Variants in INTS4 observed in about 807,000 individuals in gnomAD.
INTS4 encodes integrator complex subunit 4, also known as MSTP093.
Under a neutral mutation model 119.5 loss-of-function variants are expected in INTS4, and 70 were observed. The ratio of observed to expected loss-of-function variants is 0.59; its 90% CI spans 0.48 to 0.71. The LOEUF is 0.71. INTS4 is among the 30% of genes least tolerant of loss of function. The pLI is 0.00. For missense variants in INTS4, 867 were observed against 1,173.2 expected (o/e 0.74, Z 3.81); for synonymous variants, 316 against 419.6 (o/e 0.75, Z 3.02).
At chr11:77,978,129 T>A (rs1207231559) in intron 4 of INTS4, 2 of 152,136 alleles carry the variant, frequency 1.3e-5, no homozygotes, top group Non-Finnish European at 2.9e-5. Flanking sequence ...TGATGTCAAA[T>A]GATCCGCCCA....
chr11:77,972,893 A>AC (rs1472895428), intron 4 of INTS4, among the ~76,000 whole-genome samples: 3 of 150,264 alleles, frequency 2.0e-5, no homozygotes, highest in African/African-American at 7.4e-5. Context: ...GTGGAGTGGC[A>AC]TAATCAAGGC....
chr11:77,984,914 G>GAAAAAA (rs56373012), intron 2 of INTS4, among the ~76,000 whole-genome samples: 3 of 137,400 alleles, frequency 2.2e-5, no homozygotes, highest in Non-Finnish European at 4.6e-5. Flanking sequence ...AAATGTAAAT[G>GAAAAAA]AAAAAAAAAA....
chr11:77,938,197 T>C (rs1292051687), intron 10 of INTS4, among the ~76,000 whole-genome samples: 1 of 152,168 alleles, frequency 6.6e-6, no homozygotes, highest in African/African-American at 2.4e-5. Flanking sequence ...ATCAGTCATA[T>C]AAAGGTTTGG....
chr11:77,956,688 C>A (rs1954330579), intron 7 of INTS4, among the ~76,000 whole-genome samples: 1 of 146,862 alleles, frequency 6.8e-6, no homozygotes, highest in African/African-American at 2.5e-5. Flanking sequence ...GCCTGGGCAA[C>A]AGAGCGAGAC....
chr11:77,966,095 T>C (rs1855493115), intron 4 of INTS4, among the ~76,000 whole-genome samples: 4 of 152,228 alleles, frequency 2.6e-5, no homozygotes, highest in Admixed American at 2.6e-4. Context: ...ATGAACCTGT[T>C]GGTCATCTGT....
intron 21 of INTS4, among the ~76,000 whole-genome samples, chr11:77,885,595 G>C (rs191188980): frequency 2.1e-4 from 32 of 152,066 alleles, no homozygotes; most frequent in African/African-American, 7.7e-4. Flanking sequence ...GAGCCAGGTG[G>C]ATTACTTGAG....
chr11:77,958,843 A>G lies in INTS4; in HGVS notation c.709-9T>C. The G allele has an allele frequency of 6.5e-7, 1 of 1,528,266 alleles. No individual in the cohort carries two copies. Among genetic ancestry groups the G allele is most frequent in the Non-Finnish European group, 9.0e-7 (1 of 1,105,094 alleles). 94.7% of individuals were successfully genotyped at this position (1,528,266 alleles called of 1,614,324 possible). On this transcript the variant is annotated splice_polypyrimidine_tract_variant and intron_variant, in intron 6 of 22. Coordinates refer to ENST00000534064, the MANE Select transcript of INTS4 (RefSeq NM_033547.4). ...GAGAGTAATTTACAGGCCTGCAAAGAAGAATTCCAAAAGTCTATTAGTTCT... is the reference window on the plus strand; with the variant it reads ...GAGAGTAATTTACAGGCCTGCAAAGGAGAATTCCAAAAGTCTATTAGTTCT...
chr11:77,980,712 C>T (rs962931100), intron 3 of INTS4, among the ~76,000 whole-genome samples: 25 of 152,174 alleles, frequency 1.6e-4, no homozygotes, highest in African/African-American at 4.3e-4. Flanking sequence ...GTGTCTTGGC[C>T]GGGCACAGTG....
At chr11:77,990,047 C>T (rs1856607000) in intron 2 of INTS4, among the ~76,000 whole-genome samples, 2 of 151,982 alleles carry the variant, frequency 1.3e-5, no homozygotes, top group South Asian at 4.2e-4. Flanking sequence ...AAAACCCCAC[C>T]TCTACTAAAA....
intron 9 of INTS4, among the ~76,000 whole-genome samples, chr11:77,939,848 C>CAA (rs544496333): frequency 2.3e-4 from 33 of 142,826 alleles, no homozygotes; most frequent in African/African-American, 3.8e-4. Flanking sequence ...CTGTCTCAAA[C>CAA]AAAAAAAAAA....
At chr11:77,906,508 T>C (rs548336482) in intron 16 of INTS4, among the ~76,000 whole-genome samples, 3 of 152,332 alleles carry the variant, frequency 2.0e-5, no homozygotes, top group Non-Finnish European at 4.4e-5. Flanking sequence ...TTCCTGGGGT[T>C]TCACAGAGGC....
chr11:77,989,333 C>T (rs1023542253), intron 2 of INTS4, among the ~76,000 whole-genome samples: 1 of 151,894 alleles, frequency 6.6e-6, no homozygotes, highest in Non-Finnish European at 1.5e-5. Flanking sequence ...ACTAAAAATA[C>T]AGAATTAGCT....
chr11:77,982,816 A>G (rs1028134183), intron 2 of INTS4, among the ~76,000 whole-genome samples: 1 of 152,324 alleles, frequency 6.6e-6, no homozygotes, highest in Non-Finnish European at 1.5e-5. Context: ...TCAAAGGATA[A>G]GGTGCTTTTC....
chr11:77,942,857 T>C (rs1480990386), intron 8 of INTS4, among the ~76,000 whole-genome samples: 1 of 152,234 alleles, frequency 6.6e-6, no homozygotes, highest in Non-Finnish European at 1.5e-5. Flanking sequence ...GAAAATTACA[T>C]GTTCCTGGGG....
Position 77,901,473 on chromosome 11 carries a change from T to C in INTS4, c.2176A>G (p.Arg726Gly). The C allele has an allele frequency of 6.2e-7, 1 of 1,613,950 alleles. No individual in the cohort carries two copies. Among genetic ancestry groups the C allele is most frequent in the Non-Finnish European group, 8.5e-7 (1 of 1,179,814 alleles). The change falls in exon 18 of 23, where the codon AGG becomes GGG. Residue 726 changes from arginine (R) to glycine (G), a missense_variant. Arg to Gly is a moderately radical substitution (Grantham distance 125). Transcript: ENST00000534064. Reference sequence around the variant, plus strand: ...AGTTGCAAAGCTTTGGCCTGCAGCCTCATGTGATGTATAATCACCACCTGC... The same window carrying C: ...AGTTGCAAAGCTTTGGCCTGCAGCCCCATGTGATGTATAATCACCACCTGC... ...NKQVVIIHHM[R>G]LQAKALQLIV...
Position 77,891,675 on chromosome 11 carries a change from C to A in INTS4, c.2448+6G>T, listed in dbSNP as rs760239117. 4 of 1,611,826 alleles carry A rather than the reference C, an allele frequency of 2.5e-6. No individual in the cohort carries two copies. The highest frequency in any genetic ancestry group is 2.7e-5 in the African/African-American group (2 of 74,924). On this transcript the variant is annotated splice_donor_region_variant and intron_variant, in intron 20 of 22. Coordinates refer to ENST00000534064, the MANE Select transcript of INTS4 (RefSeq NM_033547.4). The stretch of plus-strand genomic sequence containing the variant: ...TTTGGCCTACAGGGGCCAAATAGAC[C>A]CTGACCTGCTCTGGAAGCGGGAGAT...
At chr11:77,959,953 T>C (rs1447012844) in intron 6 of INTS4, among the ~76,000 whole-genome samples, 1 of 152,152 alleles carries the variant, frequency 6.6e-6, no homozygotes, top group Non-Finnish European at 1.5e-5. Context: ...TCCTACGGTC[T>C]TGGTCACCCT....
intron 10 of INTS4, among the ~76,000 whole-genome samples, chr11:77,938,236 G>C (rs1457868978): frequency 6.6e-6 from 1 of 152,102 alleles, no homozygotes. Flanking sequence ...TTTAAATCTT[G>C]CTCTGTCTCT....
At chr11:77,923,600 T>C (rs1259272763) in intron 12 of INTS4, among the ~76,000 whole-genome samples, 2 of 152,152 alleles carry the variant, frequency 1.3e-5, no homozygotes, top group African/African-American at 2.4e-5. Context: ...AAGTCATTAC[T>C]TCATAGAGTT....
Sources: allele counts gnomAD v4.1 joint callset (sites outside exome capture counted in the v4.1 genomes callset), GRCh38; gene constraint gnomAD v4.1.1; transcripts MANE v1.5; gene names NCBI Gene and HGNC (gene_info 2026-07-23, HGNC 2026-07-21).